Variants in THSD7B observed in about 807,000 individuals in gnomAD.
THSD7B encodes thrombospondin type 1 domain containing 7B.
In THSD7B, 138 loss-of-function variants were observed where a neutral mutation model predicts 213.6. The ratio of observed to expected loss-of-function variants is 0.65; its 90% CI spans 0.56 to 0.74. The LOEUF (loss-of-function observed/expected upper bound fraction) is 0.74. Among genes scored for constraint, THSD7B ranks in the 30% least tolerant of loss-of-function variants. The pLI is 0.00. For missense variants in THSD7B, 1,931 were observed against 1,991.5 expected (o/e 0.97, Z 0.58); for synonymous variants, 742 against 687.0 (o/e 1.08, Z -1.25).
chr2:136,830,150 G>C (rs1187866326), intron 1 of THSD7B, among the ~76,000 whole-genome samples: 1 of 151,878 alleles, frequency 6.6e-6, no homozygotes, highest in Non-Finnish European at 1.5e-5. Context: ...ACACATACCT[G>C]AGTGTGCATA....
intron 15 of THSD7B, among the ~76,000 whole-genome samples, chr2:137,485,659 T>A (rs982265260): frequency 6.6e-6 from 1 of 152,120 alleles, no homozygotes; most frequent in Non-Finnish European, 1.5e-5. Flanking sequence ...GCCACAAAGA[T>A]ACTCCTCGAG....
intron 1 of THSD7B, among the ~76,000 whole-genome samples, chr2:136,782,711 A>G (rs1357021653): frequency 6.6e-6 from 1 of 152,162 alleles, no homozygotes; most frequent in Non-Finnish European, 1.5e-5. Context: ...AGGTGACTAT[A>G]GTTAGTGTCG....
At chr2:137,513,801 C>T (rs910571748) in intron 15 of THSD7B, among the ~76,000 whole-genome samples, 3 of 152,154 alleles carry the variant, frequency 2.0e-5, no homozygotes, top group African/African-American at 7.2e-5. Context: ...GATGAGGCAG[C>T]AGTGGAAGCT....
chr2:137,599,058 A>G (rs1190240121), intron 17 of THSD7B, among the ~76,000 whole-genome samples: 1 of 102,990 alleles, frequency 9.7e-6, no homozygotes, highest in Non-Finnish European at 1.8e-5. Context: ...CACAGTCCCC[A>G]GAGTGTGGTA....
intron 20 of THSD7B, among the ~76,000 whole-genome samples, chr2:137,626,476 AAAAAG>A (rs1304571991): frequency 3.1e-4 from 46 of 146,056 alleles, no homozygotes; most frequent in African/African-American, 7.7e-4. Flanking sequence ...AAAAAAAAAA[AAAAAG>A]AAAAAGAAAA....
chr2:137,466,376 A>C (rs1238218785), intron 15 of THSD7B, among the ~76,000 whole-genome samples: 1 of 152,198 alleles, frequency 6.6e-6, no homozygotes, highest in African/African-American at 2.4e-5. Flanking sequence ...AGTATTGATA[A>C]TAATGCTCTG....
chr2:137,241,199 A>G (rs1469930396), intron 9 of THSD7B, among the ~76,000 whole-genome samples: 1 of 152,222 alleles, frequency 6.6e-6, no homozygotes, highest in African/African-American at 2.4e-5. Context: ...TATCCAATAC[A>G]GAGCTCACAC....
intron 2 of THSD7B, among the ~76,000 whole-genome samples, chr2:137,005,141 A>G (rs1304598855): frequency 6.6e-6 from 1 of 152,194 alleles, no homozygotes; most frequent in Non-Finnish European, 1.5e-5. Context: ...GCATTATTTG[A>G]TATAAACCAG....
intron 2 of THSD7B, among the ~76,000 whole-genome samples, chr2:137,037,365 C>T (rs1018336029): frequency 6.6e-6 from 1 of 151,874 alleles, no homozygotes; most frequent in Non-Finnish European, 1.5e-5. Context: ...TAATGAAGAG[C>T]TGTATGAAAA....
At chr2:136,790,437 A>G (rs1681947262) in intron 1 of THSD7B, among the ~76,000 whole-genome samples, 1 of 152,104 alleles carries the variant, frequency 6.6e-6, no homozygotes, top group South Asian at 2.1e-4. Flanking sequence ...TTGAAGTAAA[A>G]TCCTGCCTTC....
At chr2:137,199,345 TTA>T (rs1210288146) in intron 7 of THSD7B, among the ~76,000 whole-genome samples, 1 of 152,190 alleles carries the variant, frequency 6.6e-6, no homozygotes, top group Admixed American at 6.5e-5. Flanking sequence ...TTAAAAATGT[TTA>T]TATAAAATAA....
chr2:137,404,474 T>TACACACACACAC (rs1207612144), intron 12 of THSD7B, among the ~76,000 whole-genome samples: 43 of 40,246 alleles, frequency 1.1e-3, no homozygotes, highest in South Asian at 4.4e-3. Flanking sequence ...TATATATATA[T>TACACACACACAC]ACACACACAC....
chr2:137,301,141 T>C (rs1013721656), intron 12 of THSD7B, among the ~76,000 whole-genome samples: 1 of 152,126 alleles, frequency 6.6e-6, no homozygotes, highest in South Asian at 2.1e-4. Flanking sequence ...TACCCAGCAC[T>C]GCATCACAGC....
At chr2:137,337,529 G>A (rs181519959) in intron 12 of THSD7B, among the ~76,000 whole-genome samples, 9 of 152,060 alleles carry the variant, frequency 5.9e-5, no homozygotes, top group South Asian at 2.1e-4. Flanking sequence ...TTTCTCCACC[G>A]TTAAGTGACA....
At chr2:137,292,800 A>G (rs1253127939) in intron 12 of THSD7B, among the ~76,000 whole-genome samples, 2 of 152,140 alleles carry the variant, frequency 1.3e-5, no homozygotes. Context: ...TAGTCACTCT[A>G]GAGCACTTCT....
At chr2:137,185,824 C>G (rs1312629955) in intron 7 of THSD7B, among the ~76,000 whole-genome samples, 1 of 152,156 alleles carries the variant, frequency 6.6e-6, no homozygotes, top group Admixed American at 6.5e-5. Context: ...AAACTGCTTT[C>G]CACAGGGACT....
At chr2:137,250,434 A>T (rs1682146403) in intron 10 of THSD7B, among the ~76,000 whole-genome samples, 1 of 152,158 alleles carries the variant, frequency 6.6e-6, no homozygotes, top group African/African-American at 2.4e-5. Context: ...TGTTCTCACT[A>T]TTCCATTTAA....
chr2:137,474,660 T>C (rs1558808428), intron 15 of THSD7B, among the ~76,000 whole-genome samples: 1 of 152,214 alleles, frequency 6.6e-6, no homozygotes, highest in South Asian at 2.1e-4. Flanking sequence ...GCTTCTCAAT[T>C]ATGCTGTTAG....
At chr2:136,891,691 G>T (rs888270880) in intron 2 of THSD7B, among the ~76,000 whole-genome samples, 1 of 152,192 alleles carries the variant, frequency 6.6e-6, no homozygotes, top group Non-Finnish European at 1.5e-5. Context: ...TGGGTCACAG[G>T]CATTTCCATG....
Sources: gnomAD v4.1 joint callset for allele counts (sites outside exome capture counted in the v4.1 genomes callset) on GRCh38, gnomAD v4.1.1 for gene constraint, MANE v1.5 for transcripts, NCBI Gene and HGNC (gene_info 2026-07-23, HGNC 2026-07-21) for gene names.